The following ST7 variants were observed in gnomAD, a reference collection of about 807,000 sequenced individuals.
ST7 encodes the protein suppression of tumorigenicity 7.
A neutral mutation model predicts 78.7 loss-of-function variants in ST7; 28 were observed. The ratio of observed to expected loss-of-function variants is 0.36; its 90% CI spans 0.26 to 0.49. ST7 has a LOEUF of 0.49. Ranked by LOEUF, ST7 falls within the 20% of genes least tolerant of loss-of-function variation. ST7 has a pLI of 0.99. For synonymous variants in ST7, 247 were observed against 249.6 expected, an observed-to-expected ratio of 0.99 and a Z score of 0.10; for missense variants, 418 against 696.0, an observed-to-expected ratio of 0.60 and a Z score of 4.49.
At chr7:117,058,802 T>A (rs942083680) in intron 1 of ST7, among the ~76,000 whole-genome samples, 3 of 152,120 alleles carry the variant, frequency 2.0e-5, no homozygotes, top group Non-Finnish European at 4.4e-5. Flanking sequence ...TAAGTATCCA[T>A]TGACAGATAA....
intron 1 of ST7, among the ~76,000 whole-genome samples, chr7:117,063,228 A>G (rs1358693515): frequency 6.6e-6 from 1 of 152,228 alleles, no homozygotes; most frequent in Non-Finnish European, 1.5e-5. Context: ...TCTGGGTGAT[A>G]AGACTTTTTA....
At chr7:117,147,300 C>A (rs979948613) in intron 9 of ST7, among the ~76,000 whole-genome samples, 1 of 152,118 alleles carries the variant, frequency 6.6e-6, no homozygotes, top group Non-Finnish European at 1.5e-5. Context: ...TCCTTGTAGA[C>A]ATGTGAGAAA....
rs1413726970 is a variant in ST7, at chr7:116,959,469, T to C, written c.151+5778T>C. 1.6e-5 allele frequency: 5 copies of C among 318,004 alleles called. No individual in the cohort carries two copies. The East Asian group carries it at 4.4e-4, about 28-fold the overall frequency. The allele number at this position is 318,004 out of a possible 1,614,324, so 19.7% of individuals were successfully genotyped here. Reference sequence around the variant, plus strand: ...TCTTCATCTTCCAGTGTTAATTCCTTGTACAAAGTAGGTCCTTATCATTCA... The same window carrying C: ...TCTTCATCTTCCAGTGTTAATTCCTCGTACAAAGTAGGTCCTTATCATTCA... On this transcript the variant is annotated intron_variant, in intron 1 of 15. Coordinates refer to ENST00000323984, the MANE Select transcript of ST7 (RefSeq NM_001369598.1).
intron 1 of ST7, among the ~76,000 whole-genome samples, chr7:117,079,123 G>A (rs1584591482): frequency 6.6e-6 from 1 of 152,198 alleles, no homozygotes; most frequent in Non-Finnish European, 1.5e-5. Context: ...ACTAAACATG[G>A]ATAGCATTTG....
At chr7:116,976,787 A>G (rs1793726657) in intron 1 of ST7, among the ~76,000 whole-genome samples, 1 of 152,060 alleles carries the variant, frequency 6.6e-6, no homozygotes, top group African/African-American at 2.4e-5. Flanking sequence ...TGGTTGTACC[A>G]TTATATACCT....
At chr7:117,186,735 C>T (rs575882340) in intron 10 of ST7, among the ~76,000 whole-genome samples, 45 of 152,250 alleles carry the variant, frequency 3.0e-4, no homozygotes, top group African/African-American at 1.1e-3. Flanking sequence ...CAATACATTT[C>T]CCCCAGATCA....
rs138092344 is a variant in ST7 at position 117,098,663 on chromosome 7, A to T, written c.152-1099A>T. ...ACGTGGGATCTCTGTTCATTTTGGT[A>T]TATTACTTTGCTTTCTGGGCTGAGC... is the stretch of plus-strand genomic sequence containing the variant. On this transcript the variant is annotated intron_variant, in intron 1 of 15. Coordinates refer to ENST00000323984, the MANE Select transcript of ST7 (RefSeq NM_001369598.1). The T allele has an allele frequency of 3.2e-4, 170 of 533,600 alleles. 1 individual carries two copies. The African/African-American group carries it at 3.3e-3, about 10-fold the overall frequency. The allele number at this position is 533,600 out of a possible 1,614,324, so 33.1% of individuals were successfully genotyped here. A position where few individuals can be genotyped will look rare whatever the true frequency, so the allele number is the denominator to read the frequency against.
chr7:117,040,794 T>A (rs965698067), intron 1 of ST7, among the ~76,000 whole-genome samples: 2 of 152,234 alleles, frequency 1.3e-5, no homozygotes, highest in Non-Finnish European at 2.9e-5. Context: ...TTTAAAATAA[T>A]CTATGCAATA....
Position 117,079,118 on chromosome 7 carries a change from A to G in ST7, c.152-20644A>G, listed in dbSNP as rs565995183. ...AAATGCATGGTTGCGTCTGTACTAA[A>G]CATGGATAGCATTTGTTTTTTACTC... On this transcript the variant is annotated intron_variant, in intron 1 of 15. Coordinates refer to ENST00000323984, the MANE Select transcript of ST7 (RefSeq NM_001369598.1). 1.5e-3 allele frequency among the ~76,000 whole-genome samples: 224 copies of G among 152,332 alleles called. 1 individual carries two copies. Among genetic ancestry groups the G allele is most frequent in the African/African-American group, 5.0e-3 (208 of 41,566 alleles).
chr7:117,077,310 C>T (rs992524450), intron 1 of ST7, among the ~76,000 whole-genome samples: 12 of 152,056 alleles, frequency 7.9e-5, no homozygotes, highest in South Asian at 2.1e-4. Flanking sequence ...CACTTTGGGC[C>T]GTGGTTTCAG....
chr7:117,134,125 A>T lies in ST7; in HGVS notation c.643A>T (p.Ile215Phe). 5 of 1,611,604 alleles carry T rather than the reference A, an allele frequency of 3.1e-6. No individual in the cohort carries two copies. The highest frequency in any genetic ancestry group is 3.4e-6 in the Non-Finnish European group (4 of 1,178,620). ...AAHEALEINEIRSRVEVPLIA... is the reference protein window; with the variant it reads ...AAHEALEINEFRSRVEVPLIA... Reference sequence around the variant, plus strand: ...AACTATTTTTTTCTTCTTGGTCAGAATTAGGTCCAGAGTTGAAGTTCCCCT... The same window carrying T: ...AACTATTTTTTTCTTCTTGGTCAGATTTAGGTCCAGAGTTGAAGTTCCCCT... The change falls in exon 7 of 16, where the codon ATT becomes TTT. Residue 215 changes from isoleucine to phenylalanine, a missense_variant and splice_region_variant. Ile to Phe is a conservative substitution (Grantham distance 21). Around this residue, in one of 4 missense-constraint regions of ST7, gnomAD observed 288 missense variants for 537.1 expected, o/e 0.54. Transcript: ENST00000323984.
intron 2 of ST7, among the ~76,000 whole-genome samples, chr7:117,109,302 T>C (rs936073217): frequency 1.3e-5 from 2 of 151,674 alleles, no homozygotes; most frequent in Non-Finnish European, 1.5e-5. Context: ...ATGAATAAAA[T>C]TGATAGACCA....
At chr7:117,017,643 G>T (rs903383570) in intron 1 of ST7, among the ~76,000 whole-genome samples, 1 of 151,982 alleles carries the variant, frequency 6.6e-6, no homozygotes, top group Non-Finnish European at 1.5e-5. Flanking sequence ...TTGGAGGGGG[G>T]TTAGTAAGGG....
intron 15 of ST7, 100 bp downstream of exon 15, chr7:117,222,162 A>G (rs1793140127): frequency 1.5e-6 from 2 of 1,342,922 alleles, no homozygotes; most frequent in Admixed American, 2.5e-5. Context: ...AGAAATGGGT[A>G]CGAGCCTGCA....
At chr7:117,169,528 AT>A (rs1563138465) in intron 9 of ST7, among the ~76,000 whole-genome samples, 4 of 152,070 alleles carry the variant, frequency 2.6e-5, no homozygotes, top group African/African-American at 9.7e-5. Flanking sequence ...AATATTATAT[AT>A]TTTAACTTCC....
intron 1 of ST7, among the ~76,000 whole-genome samples, chr7:117,015,644 G>A (rs538569180): frequency 4.6e-5 from 7 of 152,290 alleles, no homozygotes; most frequent in Admixed American, 3.3e-4. Context: ...ATGGGTGGTG[G>A]TTACTTGATG....
intron 1 of ST7, among the ~76,000 whole-genome samples, chr7:117,063,151 T>C (rs970250265): frequency 4.6e-5 from 7 of 152,234 alleles, no homozygotes. Context: ...CTTTTTTGTT[T>C]CTTTGCTTTT....
intron 12 of ST7, among the ~76,000 whole-genome samples, chr7:117,200,146 T>G (rs1482467576): frequency 6.6e-6 from 1 of 152,114 alleles, no homozygotes; most frequent in Admixed American, 6.5e-5. Context: ...AAACAAATAA[T>G]TTTTAACTTT....
chr7:117,018,076 G>A (rs1795701208), intron 1 of ST7, among the ~76,000 whole-genome samples: 1 of 152,108 alleles, frequency 6.6e-6, no homozygotes, highest in Non-Finnish European at 1.5e-5. Context: ...ACCCTCTCAT[G>A]TATGAGCCAA....
Sources: gnomAD v4.1 joint callset for allele counts (sites outside exome capture counted in the v4.1 genomes callset) on GRCh38, gnomAD v4.1.1 for gene constraint, gnomAD v4.1.1 regional missense constraint, MANE v1.5 for transcripts, NCBI Gene and HGNC (gene_info 2026-07-23, HGNC 2026-07-21) for gene names.